PSD3: variants seen among roughly 807,000 people sequenced by gnomAD.
The protein encoded by PSD3 is PH and SEC7 domain-containing protein 3.
In PSD3, 49 loss-of-function variants were observed where a neutral mutation model predicts 105.5. The observed-to-expected ratio is 0.46, with a 90% CI of 0.37 to 0.59. PSD3 has a LOEUF of 0.59. PSD3 is among the 20% of genes least tolerant of loss of function. The pLI, the probability that PSD3 is intolerant of heterozygous loss-of-function variation, is 0.00. For missense variants in PSD3, 1,561 were observed against 1,263.8 expected (o/e 1.24, Z -3.57); for synonymous variants, 557 against 457.8 (o/e 1.22, Z -2.77).
At chr8:19,012,404 C>G (rs888119124) in intron 1 of PSD3, among the ~76,000 whole-genome samples, 50 of 152,312 alleles carry the variant, frequency 3.3e-4, no homozygotes, top group South Asian at 2.1e-4. Flanking sequence ...TAAATACTCT[C>G]AGAAAAGAAA....
At chr8:18,677,631 C>G (rs1800131676) in intron 9 of PSD3, among the ~76,000 whole-genome samples, 1 of 152,192 alleles carries the variant, frequency 6.6e-6, no homozygotes, top group African/African-American at 2.4e-5. Flanking sequence ...GAAAATGATA[C>G]AGATAATGAT....
intron 4 of PSD3, among the ~76,000 whole-genome samples, chr8:18,862,306 C>A (rs918657617): frequency 3.3e-5 from 5 of 151,682 alleles, no homozygotes; most frequent in Non-Finnish European, 7.4e-5. Context: ...CAATTCGAAA[C>A]CAGGAATAAA....
intron 2 of PSD3, among the ~76,000 whole-genome samples, chr8:18,878,793 T>C (rs1002411841): frequency 1.3e-5 from 2 of 152,108 alleles, no homozygotes; most frequent in African/African-American, 4.8e-5. Flanking sequence ...AGTGTAAATA[T>C]ACAAAACAAA....
intron 1 of PSD3, chr8:18,989,205 AC>A (rs991844208): frequency 5.3e-5 from 8 of 152,216 alleles, no homozygotes; most frequent in Non-Finnish European, 1.2e-4. Context: ...GGAGCTAGAC[AC>A]TGCACAATGT....
chr8:18,943,156 G>C (rs1326697153), intron 1 of PSD3, among the ~76,000 whole-genome samples: 1 of 152,198 alleles, frequency 6.6e-6, no homozygotes, highest in Non-Finnish European at 1.5e-5. Context: ...ATCAACAAAG[G>C]AGGCATGGTG....
intron 2 of PSD3, among the ~76,000 whole-genome samples, chr8:18,911,638 C>A (rs1372033298): frequency 6.6e-6 from 1 of 152,194 alleles, no homozygotes; most frequent in Non-Finnish European, 1.5e-5. Flanking sequence ...AGAGCGTTCA[C>A]TTCTGCAATT....
intron 1 of PSD3, among the ~76,000 whole-genome samples, chr8:19,068,281 TTCC>T (rs1380915000): frequency 2.0e-5 from 3 of 151,552 alleles, no homozygotes; most frequent in Admixed American, 2.0e-4. Context: ...CGCTCTACTC[TTCC>T]TCCTCTTTTT....
intron 12 of PSD3, among the ~76,000 whole-genome samples, chr8:18,594,137 T>TAC (rs1803831078): frequency 3.9e-5 from 2 of 51,484 alleles, no homozygotes; most frequent in African/African-American, 1.5e-4. Flanking sequence ...ATATATTATA[T>TAC]ATATATTATA....
intron 9 of PSD3, among the ~76,000 whole-genome samples, chr8:18,660,647 T>C (rs957522191): frequency 5.9e-5 from 9 of 152,296 alleles, no homozygotes; most frequent in Middle Eastern, 3.4e-3. Context: ...TATTGTGCCC[T>C]GTCCTAGATC....
intron 11 of PSD3, among the ~76,000 whole-genome samples, chr8:18,627,830 T>A (rs1806603933): frequency 6.7e-6 from 1 of 149,196 alleles, no homozygotes. Context: ...CAACTATGAC[T>A]AAAGCCAGCA....
At chr8:18,569,095 C>T (rs1801979590) in intron 14 of PSD3, among the ~76,000 whole-genome samples, 2 of 129,872 alleles carry the variant, frequency 1.5e-5, no homozygotes, top group Non-Finnish European at 3.3e-5. Flanking sequence ...TTTTCTTAAT[C>T]CAGTCTATCG....
intron 1 of PSD3, among the ~76,000 whole-genome samples, chr8:18,980,336 G>C (rs1484752622): frequency 6.6e-6 from 1 of 152,190 alleles, no homozygotes; most frequent in Admixed American, 6.5e-5. Context: ...AGGGTAGACA[G>C]ACAGGGAAGG....
intron 1 of PSD3, among the ~76,000 whole-genome samples, chr8:19,049,690 CAAAAAAAAAAA>C (rs10584051): frequency 3.1e-5 from 2 of 64,352 alleles, no homozygotes; most frequent in Admixed American, 2.2e-4. Flanking sequence ...GACCCTGTCT[CAAAAAAAAAAA>C]AAAAAAAAAA....
Position 18,803,643 on chromosome 8 carries a change from T to C in PSD3, c.1910+879A>G, listed in dbSNP as rs77356820. On this transcript the variant is annotated intron_variant, in intron 6 of 15. Transcript: ENST00000327040. ...GACATTCTGATATATGCTACAAGAA[T>C]GAACCTTGAAGACATTATGCTAAGT... Among the ~76,000 whole-genome samples the C allele has an allele frequency of 5.4e-3, 821 of 152,206 alleles. 12 individuals are homozygous for C. Among genetic ancestry groups the C allele is most frequent in the African/African-American group, 0.019 (789 of 41,522 alleles).
Position 18,803,559 on chromosome 8 carries a change from A to G in PSD3, c.1910+963T>C, listed in dbSNP as rs1810925195. Among the ~76,000 whole-genome samples, 2 of 152,152 alleles carry G rather than the reference A, an allele frequency of 1.3e-5. 1 individual carries two copies. Among genetic ancestry groups the G allele is most frequent in the South Asian group, 4.1e-4 (2 of 4,832 alleles). On this transcript the variant is annotated intron_variant, in intron 6 of 15. Coordinates refer to ENST00000327040, the MANE Select transcript of PSD3 (RefSeq NM_015310.4). ...TGGAAGCAACCCAAGCGTGTCCTGAAGCTGACGGTGGTATATATATTCCCC... is the reference window on the plus strand; with the variant it reads ...TGGAAGCAACCCAAGCGTGTCCTGAGGCTGACGGTGGTATATATATTCCCC...
chr8:18,821,195 T>G (rs1022758), intron 4 of PSD3, among the ~76,000 whole-genome samples: 54,841 of 151,010 alleles, frequency 0.36, 10,967 homozygotes, highest in Middle Eastern at 0.49. Context: ...TTTTGACATT[T>G]AATTCTAAAG....
intron 4 of PSD3, among the ~76,000 whole-genome samples, chr8:18,818,048 G>A (rs900027781): frequency 3.3e-5 from 5 of 152,102 alleles, no homozygotes; most frequent in Admixed American, 1.3e-4. Flanking sequence ...CTGCCTCCCC[G>A]GTTCAAGCGA....
chr8:18,775,798 T>C (rs1214456741), intron 8 of PSD3, among the ~76,000 whole-genome samples: 2 of 152,192 alleles, frequency 1.3e-5, no homozygotes, highest in African/African-American at 4.8e-5. Context: ...CTTTGTTGAT[T>C]ATTTCCTTTA....
intron 1 of PSD3, among the ~76,000 whole-genome samples, chr8:19,035,768 T>G (rs1463969551): frequency 2.0e-5 from 3 of 149,206 alleles, no homozygotes; most frequent in Non-Finnish European, 3.0e-5. Context: ...GGGGGGGGTG[T>G]GGGGGTGACT....
Sources: gnomAD v4.1 joint callset for allele counts (sites outside exome capture counted in the v4.1 genomes callset) on GRCh38, gnomAD v4.1.1 for gene constraint, MANE v1.5 for transcripts, NCBI Gene and HGNC (gene_info 2026-07-23, HGNC 2026-07-21) for gene names.